Variants in NUTM2B observed in about 807,000 individuals in gnomAD.
NUTM2B encodes family with sequence similarity 22, member B.
Under a neutral mutation model 42.4 loss-of-function variants are expected in NUTM2B, and 2 were observed. The observed-to-expected ratio is 0.05, with a 90% CI of 0.02 to 0.15. The LOEUF (loss-of-function observed/expected upper bound fraction) is 0.15. Ranked by LOEUF, NUTM2B falls within the 10% of genes least tolerant of loss-of-function variation. The probability of loss-of-function intolerance (pLI) is 1.00; values close to 1 mark genes in which losing one functional copy is unlikely to be tolerated. For missense variants in NUTM2B, 58 were observed against 952.6 expected (o/e 0.06, Z 12.36); for synonymous variants, 18 against 402.4 (o/e 0.04, Z 11.43).
chr10:79,704,583 G>A (rs1840354163), intron 1 of NUTM2B, among the ~76,000 whole-genome samples: 1 of 134,188 alleles, frequency 7.5e-6, no homozygotes, highest in Non-Finnish European at 1.6e-5. Flanking sequence ...CCTAGAGATG[G>A]CTTCTCTGTC....
At chr10:79,700,697 C>T (rs1230111860), upstream of NUTM2B, among the ~76,000 whole-genome samples, 1 of 152,096 alleles carries the variant, frequency 6.6e-6, no homozygotes, top group Non-Finnish European at 1.5e-5. Context: ...GGTGGGTCAC[C>T]GCCCTTTGCT....
chr10:79,702,628 C>A (rs910322218), upstream of NUTM2B, among the ~76,000 whole-genome samples: 1 of 150,514 alleles, frequency 6.6e-6, no homozygotes, highest in South Asian at 2.1e-4. Flanking sequence ...CAGTGTGCAC[C>A]GGTCTGGCTG....
intron 2 of NUTM2B, among the ~76,000 whole-genome samples, chr10:79,707,274 G>A (rs1251043189): frequency 4.6e-5 from 6 of 131,228 alleles, no homozygotes; most frequent in Non-Finnish European, 8.0e-5. Flanking sequence ...GCAGGTATTT[G>A]CATCTTCACC....
intron 1 of NUTM2B, among the ~76,000 whole-genome samples, chr10:79,704,986 C>A (rs1456709798): frequency 6.6e-6 from 1 of 151,580 alleles, no homozygotes; most frequent in Non-Finnish European, 1.5e-5. Context: ...GGTGCATGTG[C>A]TGTATCCCTT....
At chr10:79,695,667 C>T in the NUTM2B span, among the ~76,000 whole-genome samples, 6 of 151,954 alleles carry the variant, frequency 3.9e-5, no homozygotes, top group Non-Finnish European at 5.9e-5. Flanking sequence ...CCTCGTCACT[C>T]GCCATGCCCC....
the NUTM2B span, among the ~76,000 whole-genome samples, chr10:79,692,376 G>GAGGCTC: frequency 6.6e-6 from 1 of 152,148 alleles, no homozygotes. Context: ...TAAGTAAGCT[G>GAGGCTC]AGGCTCAGAG....
chr10:79,699,458 C>T (rs1423801067), upstream of NUTM2B, among the ~76,000 whole-genome samples: 2 of 152,098 alleles, frequency 1.3e-5, no homozygotes, highest in South Asian at 2.1e-4. Context: ...TTTTAGGGGG[C>T]GGGGAATGGA....
chr10:79,700,179 C>T (rs1292541300), upstream of NUTM2B, among the ~76,000 whole-genome samples: 5 of 152,272 alleles, frequency 3.3e-5, no homozygotes, highest in Non-Finnish European at 7.3e-5. Flanking sequence ...CACTTTGCAG[C>T]TGCTCCTATC....
chr10:79,692,590 T>A, the NUTM2B span, among the ~76,000 whole-genome samples: 2 of 152,190 alleles, frequency 1.3e-5, no homozygotes, highest in South Asian at 2.1e-4. Flanking sequence ...CTTCTGGCAA[T>A]GAAGCTCCCC....
intron 1 of NUTM2B, 96 bp from the exon 2 acceptor site, chr10:79,705,946 T>G (rs1234339427): frequency 3.3e-6 from 2 of 602,672 alleles, no homozygotes; most frequent in African/African-American, 3.8e-5. Context: ...TTCCCTGTCA[T>G]ACGCCCTTAG....
chr10:79,692,335 G>A, the NUTM2B span, among the ~76,000 whole-genome samples: 10 of 152,226 alleles, frequency 6.6e-5, no homozygotes, highest in African/African-American at 2.4e-4. Context: ...ATAACCCTGT[G>A]GAGTTAGCAC....
At chr10:79,700,287 T>C (rs1286597095), upstream of NUTM2B, among the ~76,000 whole-genome samples, 1 of 152,018 alleles carries the variant, frequency 6.6e-6, no homozygotes, top group Non-Finnish European at 1.5e-5. Context: ...CCGTGAGAAC[T>C]TCACTGTTTT....
At chr10:79,695,764 G>T in the NUTM2B span, among the ~76,000 whole-genome samples, 1 of 151,942 alleles carries the variant, frequency 6.6e-6, no homozygotes, top group South Asian at 2.1e-4. Flanking sequence ...TTCTGACTGT[G>T]CTGATCACAC....
At chr10:79,695,107 A>C in the NUTM2B span, among the ~76,000 whole-genome samples, 79 of 152,062 alleles carry the variant, frequency 5.2e-4, no homozygotes, top group Non-Finnish European at 5.9e-4. Context: ...CAGGTTCTAA[A>C]GGTGTGCTCC....
the NUTM2B span, among the ~76,000 whole-genome samples, chr10:79,693,569 G>A: frequency 1.3e-5 from 2 of 152,214 alleles, no homozygotes; most frequent in African/African-American, 4.8e-5. Flanking sequence ...TGCCATTCAT[G>A]CAACCTGCAT....
chr10:79,709,714 C>A (rs1175522959), intron 3 of NUTM2B, 86 bp from the exon 4 acceptor site: 2 of 525,944 alleles, frequency 3.8e-6, no homozygotes, highest in African/African-American at 4.6e-5. Flanking sequence ...GGCACTCCCT[C>A]CTATCCCTGC....
At chr10:79,699,646 T>G (rs1385802136), upstream of NUTM2B, among the ~76,000 whole-genome samples, 1 of 152,238 alleles carries the variant, frequency 6.6e-6, no homozygotes, top group Non-Finnish European at 1.5e-5. Context: ...TTTCACCATG[T>G]TGGTCAGGCT....
chr10:79,694,025 C>T, the NUTM2B span, among the ~76,000 whole-genome samples: 16 of 152,160 alleles, frequency 1.1e-4, no homozygotes, highest in African/African-American at 3.6e-4. Context: ...AGGTGGACAC[C>T]TCCATCACGT....
chr10:79,692,364 G>A, the NUTM2B span, among the ~76,000 whole-genome samples: 3 of 152,188 alleles, frequency 2.0e-5, no homozygotes, highest in Non-Finnish European at 4.4e-5. Flanking sequence ...TCATTTTACA[G>A]ATAAGTAAGC....
Sources: gnomAD v4.1 joint callset for allele counts (sites outside exome capture counted in the v4.1 genomes callset) on GRCh38, gnomAD v4.1.1 for gene constraint, MANE v1.5 for transcripts, NCBI Gene and HGNC (gene_info 2026-07-23, HGNC 2026-07-21) for gene names.